DDX60: variants seen among roughly 807,000 people sequenced by gnomAD.
The protein encoded by DDX60 is DExD/H-box helicase 60.
DDX60 carries 165 observed loss-of-function variants against 212.8 expected under a neutral mutation model. The ratio of observed to expected loss-of-function variants is 0.78; its 90% confidence interval spans 0.68 to 0.88. DDX60 has a LOEUF of 0.88. Ranked by LOEUF, DDX60 falls within the 40% of genes least tolerant of loss-of-function variation. The probability of loss-of-function intolerance (pLI) is 0.00; values close to 1 mark genes in which losing one functional copy is unlikely to be tolerated. For missense variants in DDX60, 1,905 were observed against 2,003.9 expected (o/e 0.95, Z 0.94); for synonymous variants, 703 against 685.3 (o/e 1.03, Z -0.40).
chr4:168,266,787 T>A (rs767224277), intron 22 of DDX60, among the ~76,000 whole-genome samples: 1 of 152,202 alleles, frequency 6.6e-6, no homozygotes, highest in Non-Finnish European at 1.5e-5. Flanking sequence ...ATCAAAATTA[T>A]CTTCAAAGAA....
chr4:168,273,850 T>C (rs1281870598), intron 17 of DDX60, 84 bp downstream of exon 17: 1 of 1,471,962 alleles, frequency 6.8e-7, no homozygotes, highest in Admixed American at 2.2e-5. Context: ...TAAAGTGAAC[T>C]AGATCTACCA....
rs139322457 is a variant in DDX60, at chr4:168,306,595, C to T, written c.390G>A (p.Glu130=). 2.3e-5 allele frequency: 37 copies of T among 1,614,046 alleles called. No individual in the cohort carries two copies. The highest frequency in any genetic ancestry group is 3.0e-5 in the Non-Finnish European group (35 of 1,180,018). Residue 130 remains glutamate, a synonymous_variant, in exon 5 of 38, where the codon GAG becomes GAA. Transcript: ENST00000393743. ...RTTFSRCLSK[E]WGSFLEESYP... is the part of the protein sequence containing the mutation. ...AACTCTCTTCCAAGAAACTTCCCCA[C>T]TCTTTTGATAAGCATCTCGAAAATG...
chr4:168,321,035 C>T (rs780502401), upstream of DDX60, among the ~76,000 whole-genome samples: 11 of 152,030 alleles, frequency 7.2e-5, no homozygotes, highest in African/African-American at 1.4e-4. Flanking sequence ...ACAGTTGTTT[C>T]GACTTTCAGT....
At chr4:168,261,668 T>C (rs1475051939) in intron 24 of DDX60, among the ~76,000 whole-genome samples, 1 of 152,200 alleles carries the variant, frequency 6.6e-6, no homozygotes, top group East Asian at 1.9e-4. Context: ...AACAATCTTC[T>C]CAGAGACTGT....
At chr4:168,310,321 C>T (rs1737074414) in intron 3 of DDX60, among the ~76,000 whole-genome samples, 2 of 152,012 alleles carry the variant, frequency 1.3e-5, no homozygotes. Flanking sequence ...GGAAGAGAAC[C>T]CTGATAGACA....
Position 168,283,550 on chromosome 4 carries a change from G to A in DDX60, c.1618C>T (p.Arg540Trp), listed in dbSNP as rs375274681. The A allele has an allele frequency of 2.8e-5, 45 of 1,613,036 alleles. No homozygotes were observed. The highest frequency in any genetic ancestry group is 1.3e-4 in the East Asian group (6 of 44,784). Reference protein sequence around the residue: ...RSVQKYHVFQRFYGNSLETVS... With the variant: ...RSVQKYHVFQWFYGNSLETVS... ...GTTTCTAATGAATTCCCATAAAACC[G>A]TTGGAAAACATGATACTTTTGCACA... The change falls in exon 13 of 38, where the codon CGG (arginine) becomes TGG (tryptophan). Residue 540 changes from arginine (R) to tryptophan (W), a missense_variant. Arg to Trp is a moderately radical substitution (Grantham distance 101). Coordinates refer to ENST00000393743, the MANE Select transcript of DDX60 (RefSeq NM_017631.6).
At chr4:168,288,576 A>G (rs2149532618) in intron 8 of DDX60, among the ~76,000 whole-genome samples, 1 of 152,332 alleles carries the variant, frequency 6.6e-6, no homozygotes, top group East Asian at 1.9e-4. Flanking sequence ...CTCTTAAAAT[A>G]GTGTTTTTCT....
At chr4:168,224,611 T>C (rs536857729) in intron 34 of DDX60, among the ~76,000 whole-genome samples, 1 of 152,140 alleles carries the variant, frequency 6.6e-6, no homozygotes, top group Admixed American at 6.6e-5. Flanking sequence ...TAAAAATGTG[T>C]ATTATATTTT....
intron 13 of DDX60, 108 bp from the exon 14 acceptor site, chr4:168,280,698 C>A: frequency 1.6e-6 from 2 of 1,249,032 alleles, no homozygotes; most frequent in Non-Finnish European, 2.2e-6. Flanking sequence ...GACCATCATC[C>A]CATTTTGAGT....
chr4:168,277,580 G>A (rs896637155), intron 14 of DDX60, among the ~76,000 whole-genome samples: 5 of 152,022 alleles, frequency 3.3e-5, no homozygotes, highest in African/African-American at 9.7e-5. Flanking sequence ...GCTCACACCC[G>A]TAATCCCAGC....
At chr4:168,239,927 C>T (rs1733778844) in intron 30 of DDX60, among the ~76,000 whole-genome samples, 1 of 151,890 alleles carries the variant, frequency 6.6e-6, no homozygotes, top group South Asian at 2.1e-4. Flanking sequence ...TACTTATATG[C>T]CCTCTCTCAC....
At chr4:168,245,071 A>G (rs891123442) in intron 30 of DDX60, among the ~76,000 whole-genome samples, 1 of 152,216 alleles carries the variant, frequency 6.6e-6, no homozygotes, top group African/African-American at 2.4e-5. Context: ...CTGTACACTT[A>G]AAATGGTTAA....
intron 5 of DDX60, among the ~76,000 whole-genome samples, chr4:168,303,541 T>A (rs1353738502): frequency 1.3e-5 from 2 of 152,182 alleles, no homozygotes; most frequent in Non-Finnish European, 2.9e-5. Flanking sequence ...ACCACTTATA[T>A]GTTGGTGATC....
At chr4:168,224,102 C>A in intron 35 of DDX60, 141 bp downstream of exon 35, 1 of 857,804 alleles carries the variant, frequency 1.2e-6, no homozygotes, top group Non-Finnish European at 1.8e-6. Context: ...AGCACCAATT[C>A]CTGAATATAT....
At chr4:168,280,113 T>C (rs1200301430) in intron 14 of DDX60, among the ~76,000 whole-genome samples, 16 of 152,164 alleles carry the variant, frequency 1.1e-4, no homozygotes, top group Admixed American at 1.0e-3. Flanking sequence ...AAAAACAATA[T>C]ACATGGCATT....
At chr4:168,293,715 A>G (rs1305799874) in intron 7 of DDX60, 72 bp downstream of exon 7, 1 of 1,301,340 alleles carries the variant, frequency 7.7e-7, no homozygotes, top group African/African-American at 1.5e-5. Context: ...AGAGGAAATG[A>G]AAGATACAAA....
chr4:168,262,627 A>T (rs754609062), intron 23 of DDX60, 56 bp downstream of exon 23: 7 of 1,166,670 alleles, frequency 6.0e-6, no homozygotes, highest in South Asian at 4.0e-5. Flanking sequence ...AAAGGGTGAG[A>T]GTTTGTCAAT....
intron 10 of DDX60, among the ~76,000 whole-genome samples, chr4:168,286,109 A>G (rs918916628): frequency 4.7e-5 from 7 of 149,686 alleles, no homozygotes; most frequent in Non-Finnish European, 1.0e-4. Flanking sequence ...GGGAGGGAGG[A>G]AGGAAGGAAA....
Position 168,311,049 on chromosome 4 carries a change from G to A in DDX60, c.23C>T (p.Thr8Ile), listed in dbSNP as rs774589894. 15 of 1,579,590 alleles carry A rather than the reference G, an allele frequency of 9.5e-6. No homozygotes were observed. Among genetic ancestry groups the A allele is most frequent in the Non-Finnish European group, 1.2e-5 (14 of 1,152,416 alleles). The change falls in exon 3 of 38, where the codon ACA becomes ATA. Residue 8 changes from threonine (T) to isoleucine (I), a missense_variant. Physicochemically the swap from Thr to Ile is moderately conservative, Grantham distance 89. Transcript: ENST00000393743. ...TAACTGGGACATTTCCTGTGAAAAT[G>A]TTGTAAGAACATTTCTTTCTAAATT... Reference protein sequence around the residue: MERNVLTTFSQEMSQLIL... With the variant: MERNVLTIFSQEMSQLIL...
Sources: allele counts gnomAD v4.1 joint callset (sites outside exome capture counted in the v4.1 genomes callset), GRCh38; gene constraint gnomAD v4.1.1; transcripts MANE v1.5; gene names NCBI Gene and HGNC (gene_info 2026-07-23, HGNC 2026-07-21).